CSMD3: variants seen among roughly 807,000 people sequenced by gnomAD.
The protein encoded by CSMD3 is CUB and Sushi multiple domains 3, also known as CUB and sushi domain-containing protein 3.
CSMD3 carries 177 observed loss-of-function variants against 435.2 expected under a neutral mutation model. The observed-to-expected ratio is 0.41, with a 90% confidence interval of 0.36 to 0.46. CSMD3 has a LOEUF of 0.46. Among genes scored for constraint, CSMD3 ranks in the 20% least tolerant of loss-of-function variants. CSMD3 has a pLI of 0.34. For synonymous variants in CSMD3, 1,656 were observed against 1,520.5 expected (o/e 1.09, Z -2.07); for missense variants, 4,265 against 4,504.6 (o/e 0.95, Z 1.52).
At chr8:112,305,855 T>C (rs1821369178) in intron 51 of CSMD3, 152 bp downstream of exon 51, 5 of 711,572 alleles carry the variant, frequency 7.0e-6, no homozygotes, top group Admixed American at 4.2e-5. Flanking sequence ...TAGTACTTCA[T>C]TGTACAAGAT....
intron 13 of CSMD3, among the ~76,000 whole-genome samples, chr8:112,766,640 A>C (rs1284828012): frequency 6.6e-6 from 1 of 151,808 alleles, no homozygotes; most frequent in Non-Finnish European, 1.5e-5. Context: ...ATAAACGGTA[A>C]AAGCAAAACC....
At position 113,358,470 on chromosome 8, in the gene CSMD3, AGCCTCCCAAGTAGCTG is replaced by A. The variant is rs2094248400; in HGVS notation, c.179-43693_179-43678del. 3.9e-5 allele frequency among the ~76,000 whole-genome samples: 6 copies of A among 152,194 alleles called. No homozygotes were observed. The South Asian group carries it at 1.2e-3, about 32-fold the overall frequency. On this transcript the variant is annotated intron_variant, in intron 1 of 70. Transcript: ENST00000297405. ...CAGGTTCAAGCTATTTTCCTGCCTC[AGCCTCCCAAGTAGCTG>A]GGATTACAGGCGTATGCCACCACGC... is the stretch of plus-strand genomic sequence containing the variant.
chr8:112,345,334 A>G (rs992257923), intron 41 of CSMD3, among the ~76,000 whole-genome samples: 2 of 152,182 alleles, frequency 1.3e-5, no homozygotes, highest in Non-Finnish European at 2.9e-5. Context: ...TACGGAATCA[A>G]CCTAAGTGTC....
intron 3 of CSMD3, among the ~76,000 whole-genome samples, chr8:113,189,911 AG>A (rs2092560076): frequency 6.6e-6 from 1 of 151,864 alleles, no homozygotes; most frequent in Non-Finnish European, 1.5e-5. Context: ...TGAAATGTAA[AG>A]AATTCATGTG....
At chr8:113,047,609 C>A (rs1221322982) in intron 5 of CSMD3, among the ~76,000 whole-genome samples, 3 of 152,068 alleles carry the variant, frequency 2.0e-5, no homozygotes, top group Non-Finnish European at 4.4e-5. Context: ...TAATTGGAAA[C>A]TTTTTACAAA....
At chr8:113,134,675 G>A (rs1232270398) in intron 4 of CSMD3, among the ~76,000 whole-genome samples, 1 of 152,002 alleles carries the variant, frequency 6.6e-6, no homozygotes, top group Non-Finnish European at 1.5e-5. Context: ...CCAGGTAGGG[G>A]TTTTCAACAG....
At chr8:113,229,992 T>C (rs560528010) in intron 3 of CSMD3, among the ~76,000 whole-genome samples, 1 of 151,808 alleles carries the variant, frequency 6.6e-6, no homozygotes, top group South Asian at 2.1e-4. Context: ...GTGTTTACCA[T>C]GTCCAGTATG....
intron 6 of CSMD3, among the ~76,000 whole-genome samples, chr8:112,991,789 T>A (rs1290327751): frequency 6.6e-6 from 1 of 151,868 alleles, no homozygotes; most frequent in Non-Finnish European, 1.5e-5. Context: ...GTCAACCCAG[T>A]GAAGTGATGT....
intron 7 of CSMD3, among the ~76,000 whole-genome samples, chr8:112,970,876 C>T (rs915901422): frequency 6.6e-6 from 1 of 152,032 alleles, no homozygotes; most frequent in African/African-American, 2.4e-5. Flanking sequence ...CGCCCGCCAC[C>T]ACGCCCAGCT....
chr8:113,193,126 T>C (rs1412453364), intron 3 of CSMD3, among the ~76,000 whole-genome samples: 1 of 151,162 alleles, frequency 6.6e-6, no homozygotes, highest in Non-Finnish European at 1.5e-5. Flanking sequence ...TAGTGAAAAA[T>C]GTGTGTGGAG....
chr8:112,742,240 T>G (rs1386579067), intron 13 of CSMD3, among the ~76,000 whole-genome samples: 1 of 151,974 alleles, frequency 6.6e-6, no homozygotes, highest in Non-Finnish European at 1.5e-5. Context: ...ATTTCTCATA[T>G]TGAAATGACT....
At chr8:113,308,099 C>T (rs967623857) in intron 2 of CSMD3, among the ~76,000 whole-genome samples, 12 of 151,860 alleles carry the variant, frequency 7.9e-5, no homozygotes, top group African/African-American at 2.4e-4. Flanking sequence ...CTGTTTCATA[C>T]TTGGGGAATT....
intron 13 of CSMD3, among the ~76,000 whole-genome samples, chr8:112,715,537 G>T (rs548007986): frequency 4.1e-4 from 63 of 152,160 alleles, no homozygotes; most frequent in Non-Finnish European, 7.6e-4. Context: ...CTATTCCAAA[G>T]AATTGAAAAG....
chr8:112,348,077 C>T (rs959676725), intron 40 of CSMD3, among the ~76,000 whole-genome samples: 1 of 152,108 alleles, frequency 6.6e-6, no homozygotes, highest in Non-Finnish European at 1.5e-5. Context: ...AAAGAGATAA[C>T]AACAACAGAA....
intron 4 of CSMD3, among the ~76,000 whole-genome samples, chr8:113,173,299 A>G (rs1433621711): frequency 6.6e-6 from 1 of 151,968 alleles, no homozygotes; most frequent in Non-Finnish European, 1.5e-5. Context: ...GTAGTATATG[A>G]GACTATTTAT....
chr8:112,601,100 C>G (rs1832314475), intron 22 of CSMD3, among the ~76,000 whole-genome samples: 1 of 151,582 alleles, frequency 6.6e-6, no homozygotes, highest in South Asian at 2.1e-4. Context: ...GCAGTAATTG[C>G]TGAAAACAAG....
At chr8:112,254,108 CT>C in intron 63 of CSMD3, 144 bp downstream of exon 63, 1 of 708,616 alleles carries the variant, frequency 1.4e-6, no homozygotes, top group Non-Finnish European at 2.5e-6. Flanking sequence ...TACTTCCACT[CT>C]TTTGCTGTCT....
intron 4 of CSMD3, among the ~76,000 whole-genome samples, chr8:113,103,890 A>T (rs1381210800): frequency 6.6e-6 from 1 of 152,094 alleles, no homozygotes; most frequent in African/African-American, 2.4e-5. Context: ...CTAAAATTAA[A>T]TTTTTATTTA....
chr8:112,952,477 G>C (rs771707835), intron 8 of CSMD3, among the ~76,000 whole-genome samples: 2 of 151,364 alleles, frequency 1.3e-5, no homozygotes, highest in African/African-American at 4.8e-5. Flanking sequence ...TAATATTAAA[G>C]AGATCAATAT....
Sources: gnomAD v4.1 joint callset for allele counts (sites outside exome capture counted in the v4.1 genomes callset) on GRCh38, gnomAD v4.1.1 for gene constraint, MANE v1.5 for transcripts, NCBI Gene and HGNC (gene_info 2026-07-23, HGNC 2026-07-21) for gene names.